Variants in SERPINB7 observed in about 807,000 individuals in gnomAD.
The protein encoded by SERPINB7 is serpin family B member 7, also known as serpin B7.
Under a neutral mutation model 37.4 loss-of-function variants are expected in SERPINB7, and 31 were observed. That is an observed-to-expected ratio of 0.83 (90% CI 0.62 to 1.12). The LOEUF (loss-of-function observed/expected upper bound fraction) is 1.12. SERPINB7 is among the 50% of genes most tolerant of loss of function. The pLI is 0.00. For synonymous variants in SERPINB7, 163 were observed against 166.1 expected, an observed-to-expected ratio of 0.98 and a Z score of 0.14; for missense variants, 521 against 455.3, an observed-to-expected ratio of 1.14 and a Z score of -1.31.
At chr18:63,791,638 T>A (rs2049428198) in intron 2 of SERPINB7, among the ~76,000 whole-genome samples, 2 of 151,968 alleles carry the variant, frequency 1.3e-5, no homozygotes, top group African/African-American at 4.8e-5. Flanking sequence ...TGAGATGGCG[T>A]CTCACTCTGT....
In SERPINB7 at chr18:63,800,958, A is replaced by G; in HGVS notation, c.690A>G (p.Arg230=). 1.2e-6 allele frequency: 2 copies of G among 1,614,006 alleles called. No homozygotes were observed. Among genetic ancestry groups the G allele is most frequent in the South Asian group, 2.2e-5 (2 of 91,078 alleles). The change falls in exon 7 of 8, where the codon AGA becomes AGG. Residue 230 remains arginine, a synonymous_variant. Transcript: ENST00000398019. The stretch of plus-strand genomic sequence containing the variant: ...CATCAATGAAGATTCTTGAGCTCAG[A>G]TACAATGGTGGCATAAACATGTACG... The part of the protein sequence containing the change: ...EDPSMKILEL[R]YNGGINMYVL...
At chr18:63,772,629 C>T (rs1040226623), upstream of SERPINB7, among the ~76,000 whole-genome samples, 46 of 152,070 alleles carry the variant, frequency 3.0e-4, no homozygotes, top group African/African-American at 1.1e-3. Flanking sequence ...AGAAAGTGAA[C>T]TTTAATTTGC....
chr18:63,773,952 C>A (rs573196838), upstream of SERPINB7, among the ~76,000 whole-genome samples: 1 of 152,156 alleles, frequency 6.6e-6, no homozygotes, highest in South Asian at 2.1e-4. Context: ...TGCCTTTTAC[C>A]TATTGACCAT....
chr18:63,803,258 C>A (rs2049569064), intron 7 of SERPINB7, among the ~76,000 whole-genome samples: 1 of 151,400 alleles, frequency 6.6e-6, no homozygotes, highest in African/African-American at 2.4e-5. Flanking sequence ...AAAAAAATTC[C>A]AACAGGGTAA....
chr18:63,777,565 T>G (rs1412121213), intron 1 of SERPINB7, among the ~76,000 whole-genome samples: 1 of 152,156 alleles, frequency 6.6e-6, no homozygotes, highest in Non-Finnish European at 1.5e-5. Flanking sequence ...TAACATTTCA[T>G]GCTAAAATTT....
chr18:63,802,472 T>C (rs1429144544), intron 7 of SERPINB7, among the ~76,000 whole-genome samples: 1 of 152,170 alleles, frequency 6.6e-6, no homozygotes, highest in Non-Finnish European at 1.5e-5. Context: ...CCATGTGCTC[T>C]GAGCTTCATT....
intron 1 of SERPINB7, among the ~76,000 whole-genome samples, chr18:63,766,753 C>G (rs561543130): frequency 6.1e-4 from 93 of 152,206 alleles, no homozygotes; most frequent in African/African-American, 2.2e-3. Flanking sequence ...CCAACCCAGC[C>G]CTGACTTCTT....
In SERPINB7 at chr18:63,800,890, A is replaced by G; in HGVS notation, c.622A>G (p.Met208Val). 6.2e-7 allele frequency: 1 copy of G among 1,613,888 alleles called. No individual in the cohort carries two copies. Among genetic ancestry groups the G allele is most frequent in the South Asian group, 1.1e-5 (1 of 91,008 alleles). ...PKCSGKAVAM[M>V]HQERKFNLSV... is the part of the protein sequence containing the mutation. ...GTGCTCTGGGAAGGCAGTCGCCATG[A>G]TGCATCAGGAACGGAAGTTCAATTT... Residue 208 changes from methionine to valine, a missense_variant, in exon 7 of 8, where the codon ATG becomes GTG. By Grantham distance (21) the Met-to-Val change is conservative. Transcript: ENST00000398019.
chr18:63,796,346 A>T lies in SERPINB7; in HGVS notation c.417A>T (p.Arg139Ser). Residue 139 changes from arginine (R) to serine (S), a missense_variant, in exon 5 of 8, where the codon AGA (arginine) becomes AGT (serine). Physicochemically the swap from Arg to Ser is moderately radical, Grantham distance 110. Coordinates refer to ENST00000398019, the MANE Select transcript of SERPINB7 (RefSeq NM_003784.4). ...TTACGAATCATTTAGAAGACACTAG[A>T]CGTAATATTAATAAGTGGGTTGAAA... is the stretch of plus-strand genomic sequence containing the variant. ...VDFTNHLEDT[R>S]RNINKWVENE... The T allele has an allele frequency of 6.2e-7, 1 of 1,609,828 alleles. No individual in the cohort carries two copies. Among genetic ancestry groups the T allele is most frequent in the Non-Finnish European group, 8.5e-7 (1 of 1,176,388 alleles).
intron 1 of SERPINB7, among the ~76,000 whole-genome samples, chr18:63,780,409 C>A (rs1479945402): frequency 1.3e-5 from 2 of 151,946 alleles, no homozygotes; most frequent in Non-Finnish European, 2.9e-5. Context: ...ATCTTTAGGT[C>A]AAAAATATGA....
rs571232600 is a variant in SERPINB7, at chr18:63,790,685, C to T, written c.169-1708C>T. Among the ~76,000 whole-genome samples the T allele has an allele frequency of 4.6e-5, 7 of 152,138 alleles. No homozygotes were observed. The South Asian group carries it at 8.3e-4, about 18-fold the overall frequency. The stretch of plus-strand genomic sequence containing the variant: ...TCGATAAGCTGAAAGTTAGGGGAAG[C>T]TCCACATGTTGAAAACACTGTAAAA... On this transcript the variant is annotated intron_variant, in intron 2 of 7. Transcript: ENST00000398019.
At chr18:63,758,022 T>A (rs1158534220) in intron 1 of SERPINB7, among the ~76,000 whole-genome samples, 2 of 152,182 alleles carry the variant, frequency 1.3e-5, no homozygotes, top group Admixed American at 1.3e-4. Context: ...TACTATCACA[T>A]TGCCACATTC....
At chr18:63,791,853 G>T (rs1043617657) in intron 2 of SERPINB7, among the ~76,000 whole-genome samples, 1 of 152,082 alleles carries the variant, frequency 6.6e-6, no homozygotes, top group African/African-American at 2.4e-5. Flanking sequence ...CTCGTGATCT[G>T]CCCGCCTTGG....
chr18:63,786,028 G>C (rs11875413), intron 2 of SERPINB7, among the ~76,000 whole-genome samples: 1 of 102,928 alleles, frequency 9.7e-6, no homozygotes, highest in Non-Finnish European at 2.1e-5. Flanking sequence ...TATAATATAC[G>C]TATATATACA....
At chr18:63,764,299 A>T (rs2049169230) in intron 1 of SERPINB7, among the ~76,000 whole-genome samples, 1 of 152,254 alleles carries the variant, frequency 6.6e-6, no homozygotes. Flanking sequence ...GCCTTAGCCC[A>T]ATTACTGTGT....
chr18:63,783,186 A>AGAGAG (rs2049320470), intron 2 of SERPINB7, among the ~76,000 whole-genome samples: 1 of 75,226 alleles, frequency 1.3e-5, no homozygotes, highest in Non-Finnish European at 2.7e-5. Context: ...GAAAGAAAGA[A>AGAGAG]AGAGAGAGAG....
chr18:63,756,903 A>G (rs1478356045), intron 1 of SERPINB7, among the ~76,000 whole-genome samples: 2 of 151,800 alleles, frequency 1.3e-5, no homozygotes, highest in Non-Finnish European at 2.9e-5. Context: ...AGTTGGCAAT[A>G]AAGTGAATTA....
rs866261313 is a variant in SERPINB7 at position 63,783,186 on chromosome 18, A to G, written c.168+646A>G. Among the ~76,000 whole-genome samples the G allele has an allele frequency of 1.3e-3, 100 of 75,298 alleles. 1 individual carries two copies. Among genetic ancestry groups the G allele is most frequent in the African/African-American group, 5.2e-3 (86 of 16,684 alleles). The allele number at this position is 75,298 out of a possible 152,430, so 49.4% of individuals were successfully genotyped here. A position where few individuals can be genotyped will look rare whatever the true frequency, so the allele number is the denominator to read the frequency against. On this transcript the variant is annotated intron_variant, in intron 2 of 7. Transcript: ENST00000398019. Reference sequence around the variant, plus strand: ...CAAAAAGAAAATAAAGAAAGAAAGAAAGAGAGAGAGAGAGAGAGAGAGAGA... The same window carrying G: ...CAAAAAGAAAATAAAGAAAGAAAGAGAGAGAGAGAGAGAGAGAGAGAGAGA...
intron 1 of SERPINB7, among the ~76,000 whole-genome samples, chr18:63,766,519 C>A (rs1396244547): frequency 6.6e-6 from 1 of 151,814 alleles, no homozygotes; most frequent in Non-Finnish European, 1.5e-5. Flanking sequence ...CATAGCACTT[C>A]CTGAACTTTC....
Sources: gnomAD v4.1 joint callset for allele counts (sites outside exome capture counted in the v4.1 genomes callset) on GRCh38, gnomAD v4.1.1 for gene constraint, MANE v1.5 for transcripts, NCBI Gene and HGNC (gene_info 2026-07-23, HGNC 2026-07-21) for gene names.